The following PCDH15 variants were observed in gnomAD, a reference collection of about 807,000 sequenced individuals.
PCDH15 encodes the protein protocadherin-15.
In PCDH15, 129 loss-of-function variants were observed where a neutral mutation model predicts 178.5. The observed-to-expected ratio is 0.72, with a 90% confidence interval of 0.63 to 0.84. The LOEUF is 0.84. Among genes scored for constraint, PCDH15 ranks in the 40% least tolerant of loss-of-function variants. PCDH15 has a pLI of 0.00. For synonymous variants in PCDH15, 800 were observed against 732.0 expected, an observed-to-expected ratio of 1.09 and a Z score of -1.50; for missense variants, 2,230 against 2,099.9, an observed-to-expected ratio of 1.06 and a Z score of -1.21.
At chr10:55,299,719 G>T (rs1389148398) in intron 1 of PCDH15, among the ~76,000 whole-genome samples, 1 of 152,072 alleles carries the variant, frequency 6.6e-6, no homozygotes, top group East Asian at 1.9e-4. Context: ...CTCAGAATTG[G>T]ACCAACCTCC....
At chr10:55,129,495 G>T (rs1301860613) in intron 2 of PCDH15, among the ~76,000 whole-genome samples, 1 of 152,032 alleles carries the variant, frequency 6.6e-6, no homozygotes, top group African/African-American at 2.4e-5. Flanking sequence ...TTAATAAAAT[G>T]CAAATTAACA....
intron 2 of PCDH15, among the ~76,000 whole-genome samples, chr10:55,083,203 C>T (rs1342161111): frequency 6.6e-6 from 1 of 151,742 alleles, no homozygotes; most frequent in East Asian, 1.9e-4. Context: ...GATAATTTAT[C>T]ATGACCAAGT....
chr10:55,154,084 A>G (rs1168687682), intron 2 of PCDH15, among the ~76,000 whole-genome samples: 1 of 152,150 alleles, frequency 6.6e-6, no homozygotes, highest in African/African-American at 2.4e-5. Context: ...CCTATTATAC[A>G]GCCTAATTTC....
chr10:54,620,993 C>A (rs373640832), intron 2 of PCDH15, among the ~76,000 whole-genome samples: 20 of 151,882 alleles, frequency 1.3e-4, no homozygotes, highest in African/African-American at 4.1e-4. Context: ...AATATATATT[C>A]TTTTTTAGGA....
intron 18 of PCDH15, among the ~76,000 whole-genome samples, chr10:54,052,736 G>T (rs2093804749): frequency 6.6e-6 from 1 of 152,072 alleles, no homozygotes; most frequent in Non-Finnish European, 1.5e-5. Context: ...TTTGGGAGGG[G>T]TCAGGGGCAG....
intron 2 of PCDH15, among the ~76,000 whole-genome samples, chr10:55,470,854 T>A (rs941374414): frequency 6.6e-6 from 1 of 152,154 alleles, no homozygotes; most frequent in Non-Finnish European, 1.5e-5. Flanking sequence ...TTTTTTTTTT[T>A]TACTATTTCC....
chr10:55,626,520 C>T (rs1169535200), intron 2 of PCDH15, among the ~76,000 whole-genome samples: 1 of 152,066 alleles, frequency 6.6e-6, no homozygotes, highest in Non-Finnish European at 1.5e-5. Flanking sequence ...TATGAAATTC[C>T]AGGCACTGAT....
chr10:54,174,340 G>A (rs2133675207), intron 13 of PCDH15, among the ~76,000 whole-genome samples: 1 of 152,012 alleles, frequency 6.6e-6, no homozygotes, highest in Non-Finnish European at 1.5e-5. Context: ...AGACCATCCT[G>A]GCTAACACGG....
At chr10:54,826,718 C>A (rs1001524506) in intron 3 of PCDH15, among the ~76,000 whole-genome samples, 8 of 151,656 alleles carry the variant, frequency 5.3e-5, no homozygotes, top group Non-Finnish European at 8.8e-5. Context: ...TGCCAAGACT[C>A]ATTATTTTTA....
At chr10:54,903,126 A>T (rs1954664454) in intron 2 of PCDH15, among the ~76,000 whole-genome samples, 1 of 152,148 alleles carries the variant, frequency 6.6e-6, no homozygotes, top group African/African-American at 2.4e-5. Flanking sequence ...GTCCTTCATA[A>T]AGATGACGGT....
At chr10:55,481,092 T>C (rs777611148) in intron 2 of PCDH15, among the ~76,000 whole-genome samples, 4 of 151,702 alleles carry the variant, frequency 2.6e-5, no homozygotes, top group Non-Finnish European at 5.9e-5. Context: ...GAAATTTATC[T>C]ATTACTTCTA....
intron 2 of PCDH15, among the ~76,000 whole-genome samples, chr10:55,374,337 G>C (rs1405428229): frequency 6.6e-6 from 1 of 152,062 alleles, no homozygotes; most frequent in Non-Finnish European, 1.5e-5. Context: ...TCTGGCCATG[G>C]AGGACTGACA....
chr10:54,960,739 C>T (rs1838624183), intron 2 of PCDH15, among the ~76,000 whole-genome samples: 1 of 152,058 alleles, frequency 6.6e-6, no homozygotes, highest in Non-Finnish European at 1.5e-5. Flanking sequence ...TGACTGAATG[C>T]TTTTTTATAA....
At chr10:55,206,042 G>T (rs1165064500) in intron 1 of PCDH15, among the ~76,000 whole-genome samples, 2 of 151,900 alleles carry the variant, frequency 1.3e-5, no homozygotes, top group African/African-American at 4.8e-5. Flanking sequence ...ATCTCCCACT[G>T]GTTCCTTCCC....
At chr10:55,432,089 A>ACACACACACACACG (rs1225856871) in intron 2 of PCDH15, among the ~76,000 whole-genome samples, 1 of 60,754 alleles carries the variant, frequency 1.6e-5, no homozygotes, top group South Asian at 3.7e-4. Flanking sequence ...TTAAACACAC[A>ACACACACACACACG]CACACACACA....
Position 54,255,345 on chromosome 10 carries a change from A to T in PCDH15, c.877-18414T>A, listed in dbSNP as rs1025426087. Reference sequence around the variant, plus strand: ...GGAACTTGCTGAAATAATTCTTTGCATTGCATTTTCATTTACATTATGCTG... The same window carrying T: ...GGAACTTGCTGAAATAATTCTTTGCTTTGCATTTTCATTTACATTATGCTG... On this transcript the variant is annotated intron_variant, in intron 8 of 37. Coordinates refer to ENST00000644397, the MANE Select transcript of PCDH15 (RefSeq NM_001384140.1). Among the ~76,000 whole-genome samples, 11 of 152,248 alleles carry T rather than the reference A, an allele frequency of 7.2e-5. No individual in the cohort carries two copies. In the East Asian group the frequency reaches 2.1e-3, roughly 29 times the overall value.
Position 53,867,046 on chromosome 10 carries a change from G to A in PCDH15, c.3502-189C>T, listed in dbSNP as rs930423273. On this transcript the variant is annotated intron_variant, in intron 26 of 37. Transcript: ENST00000644397. Reference sequence around the variant, plus strand: ...AGACTTTGTGTCCACAGTTTCGAATGGTTGCTATTAGAATGATAATAACTG... The same window carrying A: ...AGACTTTGTGTCCACAGTTTCGAATAGTTGCTATTAGAATGATAATAACTG... Among the ~76,000 whole-genome samples, 5 of 151,982 alleles carry A rather than the reference G, an allele frequency of 3.3e-5. No individual in the cohort carries two copies. In the East Asian group the frequency reaches 9.7e-4, roughly 29 times the overall value.
chr10:55,529,742 T>C (rs920182123), intron 2 of PCDH15, among the ~76,000 whole-genome samples: 2 of 3,998 alleles, frequency 5.0e-4, no homozygotes, highest in Non-Finnish European at 7.5e-4. Flanking sequence ...TGTCTGTGAG[T>C]ATATATATAT....
chr10:54,388,857 C>G (rs576325186), intron 3 of PCDH15, among the ~76,000 whole-genome samples: 1 of 152,220 alleles, frequency 6.6e-6, no homozygotes, highest in East Asian at 1.9e-4. Flanking sequence ...CATATAAGGA[C>G]CCTCCTCCAT....
Sources: gnomAD v4.1 joint callset for allele counts (sites outside exome capture counted in the v4.1 genomes callset) on GRCh38, gnomAD v4.1.1 for gene constraint, MANE v1.5 for transcripts, NCBI Gene and HGNC (gene_info 2026-07-23, HGNC 2026-07-21) for gene names.